The following FSTL5 variants were observed in gnomAD, a reference collection of about 807,000 sequenced individuals.
The protein encoded by FSTL5 is follistatin like 5.
Under a neutral mutation model 89.1 loss-of-function variants are expected in FSTL5, and 62 were observed. That is an observed-to-expected ratio of 0.70 (90% CI 0.57 to 0.86). FSTL5 has a LOEUF of 0.86. Ranked by LOEUF, FSTL5 falls within the 40% of genes least tolerant of loss-of-function variation. The pLI is 0.00. For synonymous variants in FSTL5, 383 were observed against 346.2 expected (o/e 1.11, Z -1.18); for missense variants, 1,057 against 1,001.6 (o/e 1.06, Z -0.75).
At chr4:161,479,390 T>C (rs879013273) in intron 13 of FSTL5, among the ~76,000 whole-genome samples, 1 of 152,116 alleles carries the variant, frequency 6.6e-6, no homozygotes, top group Admixed American at 6.6e-5. Context: ...TCTTTCCACT[T>C]TTGAACATCA....
intron 7 of FSTL5, among the ~76,000 whole-genome samples, chr4:161,641,912 C>T (rs1735980943): frequency 6.6e-6 from 1 of 152,044 alleles, no homozygotes; most frequent in Admixed American, 6.6e-5. Flanking sequence ...TACAAAATAT[C>T]AACTACCCAC....
rs372567563 is a variant in FSTL5 at position 162,026,009 on chromosome 4, A to G, written c.160+7616T>C. On this transcript the variant is annotated intron_variant, in intron 3 of 15. Transcript: ENST00000306100. ...ATCCAAGCAAATATACTCTTTTATA[A>G]AGCCAAATTTCATGTTTATAGTGTC... is the stretch of plus-strand genomic sequence containing the variant. 5.3e-5 allele frequency among the ~76,000 whole-genome samples: 8 copies of G among 152,042 alleles called. No homozygotes were observed. The East Asian group carries it at 1.5e-3, about 29-fold the overall frequency.
intron 6 of FSTL5, among the ~76,000 whole-genome samples, chr4:161,721,989 A>G (rs1452861683): frequency 1.3e-5 from 2 of 152,200 alleles, no homozygotes; most frequent in Non-Finnish European, 2.9e-5. Flanking sequence ...GAATTAAATT[A>G]TAATTGGAGA....
intron 4 of FSTL5, among the ~76,000 whole-genome samples, chr4:161,803,953 C>T (rs1306733975): frequency 3.3e-5 from 5 of 151,950 alleles, no homozygotes; most frequent in Non-Finnish European, 7.4e-5. Context: ...TAAGCTCATT[C>T]AGGTTGTTAG....
chr4:161,733,557 A>T (rs1739688520), intron 6 of FSTL5, among the ~76,000 whole-genome samples: 1 of 151,996 alleles, frequency 6.6e-6, no homozygotes, highest in Non-Finnish European at 1.5e-5. Flanking sequence ...ACACGTGGTG[A>T]GAGCAGATGC....
At chr4:161,712,093 T>C (rs1738800700) in intron 6 of FSTL5, among the ~76,000 whole-genome samples, 1 of 152,148 alleles carries the variant, frequency 6.6e-6, no homozygotes, top group Non-Finnish European at 1.5e-5. Flanking sequence ...TTACTACCTC[T>C]CTTCCATATT....
chr4:161,563,804 A>G (rs2126574674), intron 8 of FSTL5, among the ~76,000 whole-genome samples: 1 of 152,126 alleles, frequency 6.6e-6, no homozygotes, highest in East Asian at 1.9e-4. Flanking sequence ...ATAATTTAGA[A>G]TTATTGGGAA....
intron 7 of FSTL5, among the ~76,000 whole-genome samples, chr4:161,652,090 T>C (rs1736361035): frequency 6.6e-6 from 1 of 152,152 alleles, no homozygotes; most frequent in African/African-American, 2.4e-5. Flanking sequence ...ATCCCAGCAC[T>C]TGATACCACT....
chr4:162,130,723 A>G (rs569996216), intron 1 of FSTL5, among the ~76,000 whole-genome samples: 15 of 147,814 alleles, frequency 1.0e-4, no homozygotes, highest in Non-Finnish European at 1.8e-4. Flanking sequence ...TAAACTTATA[A>G]CAGCAACAAA....
At chr4:162,041,841 A>T (rs559168385) in intron 2 of FSTL5, 1 of 152,128 alleles carries the variant, frequency 6.6e-6, no homozygotes, top group Non-Finnish European at 1.5e-5. Flanking sequence ...CTGATGTTAC[A>T]TATTACATTT....
At chr4:161,910,249 AAG>A (rs1441601686) in intron 4 of FSTL5, among the ~76,000 whole-genome samples, 2 of 152,114 alleles carry the variant, frequency 1.3e-5, no homozygotes, top group Non-Finnish European at 2.9e-5. Context: ...CCGAAGGTTG[AAG>A]TACACCAGAG....
At chr4:161,543,675 C>A (rs1169328368) in intron 8 of FSTL5, among the ~76,000 whole-genome samples, 1 of 151,750 alleles carries the variant, frequency 6.6e-6, no homozygotes, top group Non-Finnish European at 1.5e-5. Flanking sequence ...TTTTTTTTCC[C>A]AATTATTCTG....
At chr4:161,897,990 C>G (rs13107404) in intron 4 of FSTL5, among the ~76,000 whole-genome samples, 126,488 of 151,170 alleles carry the variant, frequency 0.84, 53,468 homozygotes, top group Non-Finnish European at 0.9. Flanking sequence ...AGCCTTTTCA[C>G]AATGGCTTAT....
intron 13 of FSTL5, among the ~76,000 whole-genome samples, chr4:161,466,304 A>G (rs1277334921): frequency 1.3e-5 from 2 of 152,210 alleles, no homozygotes; most frequent in African/African-American, 2.4e-5. Flanking sequence ...CATATACAAC[A>G]AAGTTAAAAC....
intron 4 of FSTL5, among the ~76,000 whole-genome samples, chr4:161,900,653 A>G (rs1468227754): frequency 1.5e-5 from 2 of 132,364 alleles, no homozygotes; most frequent in African/African-American, 5.5e-5. Flanking sequence ...AAAAAAAAAA[A>G]AAAAAGAAAG....
chr4:161,898,310 T>C (rs1362664681), intron 4 of FSTL5, among the ~76,000 whole-genome samples: 2 of 151,748 alleles, frequency 1.3e-5, no homozygotes, highest in Non-Finnish European at 2.9e-5. Context: ...AAAATCTTCA[T>C]CGCATTCAAT....
At chr4:161,879,124 G>C (rs1732543602) in intron 4 of FSTL5, among the ~76,000 whole-genome samples, 1 of 152,052 alleles carries the variant, frequency 6.6e-6, no homozygotes, top group Non-Finnish European at 1.5e-5. Context: ...GCCAGTTTCT[G>C]AGATCTGGAA....
chr4:161,444,411 T>C lies in FSTL5; in HGVS notation c.1841+10593A>G, dbSNP rs144657972. Among the ~76,000 whole-genome samples, 607 of 151,966 alleles carry C rather than the reference T, an allele frequency of 4.0e-3. 5 individuals carry two copies. Among genetic ancestry groups the C allele is most frequent in the African/African-American group, 0.013 (550 of 41,508 alleles). On this transcript the variant is annotated intron_variant, in intron 15 of 15. Transcript: ENST00000306100. ...AACTGATCTAAGAGATATTAAATAC[T>C]TTGTTGAAGGTCTCAAAGGAGCTGG...
chr4:161,619,430 C>A (rs1269021915), intron 7 of FSTL5, among the ~76,000 whole-genome samples: 1 of 152,036 alleles, frequency 6.6e-6, no homozygotes, highest in African/African-American at 2.4e-5. Context: ...ATAATTTTCC[C>A]AACCTACTCA....
Sources: allele counts gnomAD v4.1 joint callset (sites outside exome capture counted in the v4.1 genomes callset), GRCh38; gene constraint gnomAD v4.1.1; transcripts MANE v1.5; gene names NCBI Gene and HGNC (gene_info 2026-07-23, HGNC 2026-07-21).